The following ARHGEF37 variants were observed in gnomAD, a reference collection of about 807,000 sequenced individuals.
ARHGEF37 encodes the protein Rho guanine nucleotide exchange factor (GEF) 37.
In ARHGEF37, 55 loss-of-function variants were observed where a neutral mutation model predicts 71.1. That is an observed-to-expected ratio of 0.77 (90% CI 0.62 to 0.97). The LOEUF is 0.97. Among genes scored for constraint, ARHGEF37 ranks in the 50% least tolerant of loss-of-function variants. ARHGEF37 has a pLI of 0.00. For synonymous variants in ARHGEF37, 327 were observed against 350.6 expected, an observed-to-expected ratio of 0.93 and a Z score of 0.75; for missense variants, 765 against 836.8, an observed-to-expected ratio of 0.91 and a Z score of 1.06.
In ARHGEF37 at chr5:149,624,475, C is replaced by A. The variant is rs1357388156; in HGVS notation, c.1464+335C>A. The stretch of plus-strand genomic sequence containing the variant: ...AAAACCTAGAACTTCTTCAAATTGT[C>A]ATCAAAAGGTATCCTTGGCCAGGCA... On this transcript the variant is annotated intron_variant, in intron 10 of 12. Coordinates refer to ENST00000333677, the MANE Select transcript of ARHGEF37 (RefSeq NM_001001669.3). 5.9e-5 allele frequency among the ~76,000 whole-genome samples: 9 copies of A among 152,202 alleles called. No individual in the cohort carries two copies. In the East Asian group the frequency reaches 9.6e-4, roughly 16 times the overall value.
At chr5:149,583,969 A>T (rs1272742068) in intron 1 of ARHGEF37, among the ~76,000 whole-genome samples, 1 of 152,100 alleles carries the variant, frequency 6.6e-6, no homozygotes, top group Non-Finnish European at 1.5e-5. Context: ...TATATTGCCC[A>T]CGCTGGTCAT....
In ARHGEF37 at chr5:149,632,092, G is replaced by T. The variant is rs780656297; in HGVS notation, c.1929G>T (p.Trp643Cys). Residue 643 changes from tryptophan to cysteine, a missense_variant, in exon 13 of 13, where the codon TGG becomes TGT. Trp to Cys is a radical substitution (Grantham distance 215, BLOSUM62 -2). Coordinates refer to ENST00000333677, the MANE Select transcript of ARHGEF37 (RefSeq NM_001001669.3). ...AGGACAAGAAGGGGAACCCTGAGTG[G>T]AGCCTGGTGGAAGTGAATGGACAGA... ...EAQDKKGNPEWSLVEVNGQRG... is the reference protein window; with the variant it reads ...EAQDKKGNPECSLVEVNGQRG... 6.2e-7 allele frequency: 1 copy of T among 1,614,266 alleles called. No individual in the cohort carries two copies. Among genetic ancestry groups the T allele is most frequent in the Non-Finnish European group, 8.5e-7 (1 of 1,180,056 alleles).
upstream of ARHGEF37, among the ~76,000 whole-genome samples, chr5:149,577,408 T>C (rs1191404787): frequency 1.4e-5 from 2 of 140,914 alleles, no homozygotes; most frequent in Non-Finnish European, 3.1e-5. Context: ...GAAAAATGTA[T>C]TTACTTGACT....
chr5:149,594,365 A>G (rs1038163669), intron 1 of ARHGEF37, among the ~76,000 whole-genome samples: 3 of 152,362 alleles, frequency 2.0e-5, no homozygotes, highest in Non-Finnish European at 2.9e-5. Flanking sequence ...GAATGTTGCC[A>G]TTCAGGCCAG....
upstream of ARHGEF37, among the ~76,000 whole-genome samples, chr5:149,578,830 A>T (rs2113256855): frequency 6.6e-6 from 1 of 152,292 alleles, no homozygotes; most frequent in Admixed American, 6.5e-5. Context: ...TCTCCAGAAG[A>T]CTGAGAAAAT....
At chr5:149,571,663 G>A (rs1042909555) in intron 1 of ARHGEF37, among the ~76,000 whole-genome samples, 34 of 152,136 alleles carry the variant, frequency 2.2e-4, no homozygotes, top group African/African-American at 8.2e-4. Flanking sequence ...GTGCATGCCT[G>A]TAAACCTAAC....
At chr5:149,611,760 G>C (rs1752184778) in intron 4 of ARHGEF37, among the ~76,000 whole-genome samples, 1 of 152,202 alleles carries the variant, frequency 6.6e-6, no homozygotes, top group South Asian at 2.1e-4. Flanking sequence ...TATTTTCTCT[G>C]AGACCACACT....
At chr5:149,603,862 G>A (rs1386260776) in intron 3 of ARHGEF37, among the ~76,000 whole-genome samples, 1 of 152,172 alleles carries the variant, frequency 6.6e-6, no homozygotes, top group African/African-American at 2.4e-5. Flanking sequence ...CTTGAACCCG[G>A]GAGGCGGAGG....
intron 2 of ARHGEF37, among the ~76,000 whole-genome samples, chr5:149,599,100 C>T (rs1403145959): frequency 6.6e-6 from 1 of 152,154 alleles, no homozygotes; most frequent in Admixed American, 6.5e-5. Context: ...CATCCTGAAA[C>T]GTGAGCTGTA....
upstream of ARHGEF37, among the ~76,000 whole-genome samples, chr5:149,579,557 T>A (rs1463471084): frequency 6.6e-6 from 1 of 152,038 alleles, no homozygotes; most frequent in African/African-American, 2.4e-5. Flanking sequence ...CAGGATATGC[T>A]CTCCAGGCAA....
intron 1 of ARHGEF37, among the ~76,000 whole-genome samples, chr5:149,583,520 A>G (rs944379325): frequency 6.6e-6 from 1 of 152,234 alleles, no homozygotes; most frequent in Non-Finnish European, 1.5e-5. Flanking sequence ...ATAGAGCCTC[A>G]GCTGAATTTC....
At chr5:149,626,487 G>A (rs983149891) in intron 10 of ARHGEF37, among the ~76,000 whole-genome samples, 18 of 152,120 alleles carry the variant, frequency 1.2e-4, no homozygotes, top group Admixed American at 4.6e-4. Flanking sequence ...CCAGCTAGAT[G>A]GCAATTTCGT....
chr5:149,601,772 C>T (rs1763761751), intron 3 of ARHGEF37, among the ~76,000 whole-genome samples: 1 of 152,122 alleles, frequency 6.6e-6, no homozygotes, highest in Non-Finnish European at 1.5e-5. Context: ...AGGAGCTAGC[C>T]TTGAGAATAT....
intron 3 of ARHGEF37, among the ~76,000 whole-genome samples, chr5:149,604,363 AC>A (rs1289654325): frequency 2.0e-5 from 3 of 152,130 alleles, no homozygotes; most frequent in African/African-American, 4.8e-5. Context: ...GGACTTACTT[AC>A]GCTAAAAAAT....
At chr5:149,595,990 T>G (rs1022720096) in intron 1 of ARHGEF37, among the ~76,000 whole-genome samples, 2 of 136,160 alleles carry the variant, frequency 1.5e-5, no homozygotes, top group African/African-American at 5.2e-5. Context: ...GAAGTCCTTG[T>G]GGCTGGGGGG....
At chr5:149,584,658 G>A (rs1258077009) in intron 1 of ARHGEF37, among the ~76,000 whole-genome samples, 1 of 151,574 alleles carries the variant, frequency 6.6e-6, no homozygotes, top group Non-Finnish European at 1.5e-5. Flanking sequence ...CGCCCAGGCT[G>A]GAGTGCAATG....
At chr5:149,601,820 C>T (rs1763762796) in intron 3 of ARHGEF37, among the ~76,000 whole-genome samples, 1 of 152,084 alleles carries the variant, frequency 6.6e-6, no homozygotes, top group African/African-American at 2.4e-5. Flanking sequence ...TGCAAAGGCC[C>T]TGAGGCAAGG....
intron 1 of ARHGEF37, among the ~76,000 whole-genome samples, chr5:149,564,734 G>C (rs979402208): frequency 2.0e-5 from 3 of 152,094 alleles, no homozygotes; most frequent in Non-Finnish European, 4.4e-5. Flanking sequence ...TGAAGCAGGA[G>C]AATCGCCTGA....
At chr5:149,624,649 C>T (rs991406659) in intron 10 of ARHGEF37, among the ~76,000 whole-genome samples, 1 of 151,520 alleles carries the variant, frequency 6.6e-6, no homozygotes, top group Non-Finnish European at 1.5e-5. Context: ...TGGTGTGCAC[C>T]TCCCAGCTAC....
Sources: gnomAD v4.1 joint callset for allele counts (sites outside exome capture counted in the v4.1 genomes callset) on GRCh38, gnomAD v4.1.1 for gene constraint, MANE v1.5 for transcripts, NCBI Gene and HGNC (gene_info 2026-07-23, HGNC 2026-07-21) for gene names.